The following GZF1 variants were observed in gnomAD, a reference collection of about 807,000 sequenced individuals.
GZF1 encodes GDNF inducible zinc finger protein 1.
GZF1 carries 28 observed loss-of-function variants against 49.4 expected under a neutral mutation model. The ratio of observed to expected loss-of-function variants is 0.57; its 90% CI spans 0.42 to 0.78. GZF1 has a LOEUF of 0.78. Among genes scored for constraint, GZF1 ranks in the 30% least tolerant of loss-of-function variants. The probability of loss-of-function intolerance (pLI) is 0.00; values close to 1 mark genes in which losing one functional copy is unlikely to be tolerated. For synonymous variants in GZF1, 364 were observed against 356.0 expected, an observed-to-expected ratio of 1.02 and a Z score of -0.25; for missense variants, 798 against 916.2, an observed-to-expected ratio of 0.87 and a Z score of 1.67.
chr20:23,367,676 A>AGTT (rs1175897318), intron 3 of GZF1, among the ~76,000 whole-genome samples: 2 of 152,214 alleles, frequency 1.3e-5, no homozygotes, highest in African/African-American at 2.4e-5. Flanking sequence ...GAAGAAAATA[A>AGTT]GTTGTTATAT....
rs758802082 is a variant in GZF1, at chr20:23,367,111, CTG to C, written c.1459+16_1459+17del. ...GGTGTCACACAGGTAAATACTCATG[CTG>C]TTGTGATTGAATGTCTTTCCTAGAT... On this transcript the variant is annotated intron_variant, in intron 3 of 5. Transcript: ENST00000338121. 205 of 1,520,738 alleles carry C rather than the reference CTG, an allele frequency of 1.3e-4. No individual in the cohort carries two copies. The African/African-American group carries it at 2.6e-3, about 19-fold the overall frequency. The allele number at this position is 1,520,738 out of a possible 1,614,324, so 94.2% of individuals were successfully genotyped here.
intron 4 of GZF1, 120 bp downstream of exon 4, chr20:23,369,049 T>C: frequency 5.1e-6 from 4 of 789,256 alleles, no homozygotes. Context: ...GGCCAAACTT[T>C]GTATGTCATA....
Position 23,364,378 on chromosome 20 carries a change from AG to A in GZF1, c.-5del. ...TTTTTCAAAGCTGTTTTTGGAAGGA[AG>A]AAAGATGGAAAGCGGTGCAGTTCTG... On this transcript the variant is annotated 5_prime_UTR_variant, in exon 2 of 6. Coordinates refer to ENST00000338121, the MANE Select transcript of GZF1 (RefSeq NM_022482.5). 1 of 1,547,842 alleles carries A rather than the reference AG, an allele frequency of 6.5e-7. No individual in the cohort carries two copies. The highest frequency in any genetic ancestry group is 8.7e-7 in the Non-Finnish European group (1 of 1,145,258).
chr20:23,366,021 G>A (rs1380796383), intron 2 of GZF1, among the ~76,000 whole-genome samples: 2 of 152,262 alleles, frequency 1.3e-5, no homozygotes, highest in Admixed American at 6.5e-5. Flanking sequence ...CCGTGCTGGA[G>A]GAAGAGTTGG....
rs918001622 is a variant in GZF1 at position 23,372,099 on chromosome 20, C to A, written c.*1658C>A. 3 of 152,604 alleles carry A rather than the reference C, an allele frequency of 2.0e-5. No homozygotes were observed. Among genetic ancestry groups the A allele is most frequent in the African/African-American group, 7.2e-5 (3 of 41,420 alleles). 9.5% of individuals were successfully genotyped at this position (152,604 alleles called of 1,614,324 possible). A position where few individuals can be genotyped will look rare whatever the true frequency, so the allele number is the denominator to read the frequency against. On this transcript the variant is annotated 3_prime_UTR_variant, in exon 6 of 6. Transcript: ENST00000338121. Reference sequence around the variant, plus strand: ...TCCAGAGGAGACCGAACCTGCCCAGCTGATGTACTGTTTTATGGAATAAAG... The same window carrying A: ...TCCAGAGGAGACCGAACCTGCCCAGATGATGTACTGTTTTATGGAATAAAG...
upstream of GZF1, among the ~76,000 whole-genome samples, chr20:23,361,936 C>G (rs1980698886): frequency 6.6e-6 from 1 of 152,220 alleles, no homozygotes; most frequent in Non-Finnish European, 1.5e-5. Flanking sequence ...GTCGCTGTCT[C>G]CTGCGCAGGC....
In GZF1 at chr20:23,365,197, G is replaced by A. The variant is rs1490971511; in HGVS notation, c.814G>A (p.Glu272Lys). 1 of 1,606,794 alleles carries A rather than the reference G, an allele frequency of 6.2e-7. No individual in the cohort carries two copies. Among genetic ancestry groups the A allele is most frequent in the Non-Finnish European group, 8.5e-7 (1 of 1,176,132 alleles). Residue 272 changes from glutamate (E) to lysine (K), a missense_variant, in exon 2 of 6, where the codon GAG becomes AAG. By Grantham distance (56) the Glu-to-Lys change is moderately conservative (BLOSUM62 1). Coordinates refer to ENST00000338121, the MANE Select transcript of GZF1 (RefSeq NM_022482.5). ...CCAAAGCCCGGACAGGGTGGGCACGGAGATGGAGCAGGTTTCCAAAAATGA... is the reference window on the plus strand; with the variant it reads ...CCAAAGCCCGGACAGGGTGGGCACGAAGATGGAGCAGGTTTCCAAAAATGA... Reference protein sequence around the residue: ...QDQSPDRVGTEMEQVSKNEGC... With the variant: ...QDQSPDRVGTKMEQVSKNEGC...
chr20:23,363,035 G>A (rs1229556232), intron 1 of GZF1, among the ~76,000 whole-genome samples: 1 of 152,154 alleles, frequency 6.6e-6, no homozygotes, highest in African/African-American at 2.4e-5. Context: ...TTTTACTGGG[G>A]CGTCTCCTTC....
At chr20:23,366,938 A>T in intron 2 of GZF1, 65 bp from the exon 3 acceptor site, 1 of 1,140,624 alleles carries the variant, frequency 8.8e-7, no homozygotes. Flanking sequence ...GATAGAGTGG[A>T]AATTGTATTG....
At chr20:23,362,616 A>G (rs558946768) in intron 1 of GZF1, 21 of 152,278 alleles carry the variant, frequency 1.4e-4, no homozygotes, top group African/African-American at 5.1e-4. Context: ...GGCTGCGGGT[A>G]GCAGCGTCTC....
chr20:23,368,723 C>A, intron 3 of GZF1, 39 bp from the exon 4 acceptor site: 4 of 1,532,146 alleles, frequency 2.6e-6, no homozygotes, highest in Admixed American at 1.9e-5. Context: ...GTTTTTAATG[C>A]CTGTATTGTT....
In GZF1 at chr20:23,365,023, C is replaced by T; in HGVS notation, c.640C>T (p.Pro214Ser). ...AGACAAGAAGAAAGAGGTAGTTAAACCTCCCTACCCTAAAATCAGGAGAGC... is the reference window on the plus strand; with the variant it reads ...AGACAAGAAGAAAGAGGTAGTTAAATCTCCCTACCCTAAAATCAGGAGAGC... ...KLDKKKEVVK[P>S]PYPKIRRASG... is the part of the protein sequence containing the mutation. The change falls in exon 2 of 6, where the codon CCT becomes TCT. Residue 214 changes from proline to serine, a missense_variant. Coordinates refer to ENST00000338121, the MANE Select transcript of GZF1 (RefSeq NM_022482.5). 6.2e-7 allele frequency: 1 copy of T among 1,614,160 alleles called. No homozygotes were observed. The highest frequency in any genetic ancestry group is 8.5e-7 in the Non-Finnish European group (1 of 1,180,028).
At position 23,365,277 on chromosome 20, in the gene GZF1, G is replaced by A. The variant is rs768348779; in HGVS notation, c.894G>A (p.Glu298=). The change falls in exon 2 of 6, where the codon GAG becomes GAA. Residue 298 remains glutamate, a synonymous_variant. Transcript: ENST00000338121. ...LEELSKKAGP[E]EEEEEEEEDE... ...AATTGTCAAAGAAAGCAGGGCCGGA[G>A]GAGGAAGAGGAGGAGGAGGAGGAGG... The A allele has an allele frequency of 6.2e-7, 1 of 1,606,742 alleles. No individual in the cohort carries two copies. Among genetic ancestry groups the A allele is most frequent in the South Asian group, 1.1e-5 (1 of 90,418 alleles).
intron 1 of GZF1, 200 bp downstream of exon 1, chr20:23,362,437 C>T (rs1247022306): frequency 5.2e-5 from 8 of 152,480 alleles, no homozygotes; most frequent in Non-Finnish European, 1.2e-4. Flanking sequence ...AGGGGCTTCT[C>T]TGTGGCTGCA....
At chr20:23,366,361 C>T (rs139910642) in intron 2 of GZF1, among the ~76,000 whole-genome samples, 1 of 152,232 alleles carries the variant, frequency 6.6e-6, no homozygotes, top group Non-Finnish European at 1.5e-5. Context: ...TCTTCTAGAT[C>T]TGCCCTCAAA....
rs1981196199 is a variant in GZF1, at chr20:23,365,334, T to C, written c.951T>C (p.Phe317=). The C allele has an allele frequency of 6.2e-7, 1 of 1,610,384 alleles. No homozygotes were observed. Among genetic ancestry groups the C allele is most frequent in the Non-Finnish European group, 8.5e-7 (1 of 1,177,596 alleles). ...AAGGGGAGAAGAAGAAGAGCAACTT[T>C]AAGTGCAGCATTTGCGAGAAGGCGT... ...DEEGEKKKSN[F]KCSICEKAFL... is the part of the protein sequence containing the mutation. The change falls in exon 2 of 6, where the codon TTT becomes TTC. Residue 317 remains phenylalanine, a synonymous_variant. Transcript: ENST00000338121.
Position 23,365,157 on chromosome 20 carries a change from C to T in GZF1, c.774C>T (p.Tyr258=). 1 of 1,613,686 alleles carries T rather than the reference C, an allele frequency of 6.2e-7. No homozygotes were observed. Among genetic ancestry groups the T allele is most frequent in the Non-Finnish European group, 8.5e-7 (1 of 1,179,926 alleles). ...QKTAEGDVGD[Y]RCPQDQSPDR... is the part of the protein sequence containing the mutation. The stretch of plus-strand genomic sequence containing the variant: ...CTGCTGAGGGTGATGTGGGGGACTA[C>T]AGGTGTCCCCAGGACCAAAGCCCGG... Residue 258 remains tyrosine (Y), a synonymous_variant, in exon 2 of 6, where the codon TAC becomes TAT. Coordinates refer to ENST00000338121, the MANE Select transcript of GZF1 (RefSeq NM_022482.5).
chr20:23,370,192 T>C lies in GZF1; in HGVS notation c.1887T>C (p.Tyr629=). ...GHKTEQPDEE[Y]VSSKLSDKLL... ...AGACTGAACAGCCTGACGAAGAGTA[T>C]GTGTCATCCAAGCTTTCGGATAAAT... Residue 629 remains tyrosine, a synonymous_variant, in exon 6 of 6, where the codon TAT becomes TAC. Transcript: ENST00000338121. 1 of 1,614,232 alleles carries C rather than the reference T, an allele frequency of 6.2e-7. No homozygotes were observed. Among genetic ancestry groups the C allele is most frequent in the Non-Finnish European group, 8.5e-7 (1 of 1,180,038 alleles).
intron 1 of GZF1, chr20:23,362,915 C>T (rs1377672885): frequency 6.6e-6 from 1 of 152,328 alleles, no homozygotes; most frequent in Non-Finnish European, 1.5e-5. Flanking sequence ...AGAGAGCCCT[C>T]TGCAGTCTTG....
Sources: allele counts gnomAD v4.1 joint callset (sites outside exome capture counted in the v4.1 genomes callset), GRCh38; gene constraint gnomAD v4.1.1; transcripts MANE v1.5; gene names NCBI Gene and HGNC (gene_info 2026-07-23, HGNC 2026-07-21).